FOXK1: variants seen among roughly 807,000 people sequenced by gnomAD.
FOXK1 encodes forkhead box protein K1.
In FOXK1, 19 loss-of-function variants were observed where a neutral mutation model predicts 51.9. The ratio of observed to expected loss-of-function variants is 0.37; its 90% CI spans 0.26 to 0.54. The LOEUF (loss-of-function observed/expected upper bound fraction) is 0.54. Ranked by LOEUF, FOXK1 falls within the 20% of genes least tolerant of loss-of-function variation. The probability of loss-of-function intolerance (pLI) is 0.87; values close to 1 mark genes in which losing one functional copy is unlikely to be tolerated. For synonymous variants in FOXK1, 537 were observed against 482.6 expected, an observed-to-expected ratio of 1.11 and a Z score of -1.48; for missense variants, 870 against 1,032.7, an observed-to-expected ratio of 0.84 and a Z score of 2.16.
chr7:4,761,392 C>T lies in FOXK1; in HGVS notation c.1921+104C>T. On this transcript the variant is annotated intron_variant, in intron 8 of 8. Coordinates refer to ENST00000328914, the MANE Select transcript of FOXK1 (RefSeq NM_001037165.2). This position sits in a 1 kb window ranked among gnomAD's most constrained non-coding sequence, Gnocchi z 6.2. ...TCCCAGTATCTCCCGATCCTCCACT[C>T]AGTTCAATTTATTGAGCACCTGCTA... The T allele has an allele frequency of 8.5e-7, 1 of 1,181,676 alleles. No homozygotes were observed. The highest frequency in any genetic ancestry group is 2.6e-5 in the East Asian group (1 of 39,052). The allele number at this position is 1,181,676 out of a possible 1,614,324, so 73.2% of individuals were successfully genotyped here.
At position 4,734,471 on chromosome 7, in the gene FOXK1, C is replaced by T. The variant is rs778609318; in HGVS notation, c.561-6367C>T. 3.0e-4 allele frequency among the ~76,000 whole-genome samples: 46 copies of T among 152,200 alleles called. No individual in the cohort carries two copies. Among genetic ancestry groups the T allele is most frequent in the Non-Finnish European group, 4.7e-4 (32 of 68,036 alleles). ...CCCCAGATCGTCTGCTTCCTCCTTG[C>T]CCCTCAAACTCCTTTGCCTCAGTCC... On this transcript the variant is annotated intron_variant, in intron 1 of 8. Coordinates refer to ENST00000328914, the MANE Select transcript of FOXK1 (RefSeq NM_001037165.2). The surrounding 1 kb of genome is among the most constrained non-coding windows in gnomAD (Gnocchi z 5.2).
In FOXK1 at chr7:4,764,344, T is replaced by A. The variant is rs1292300969; in HGVS notation, c.*1880T>A. The A allele has an allele frequency of 6.5e-6, 1 of 154,430 alleles. No homozygotes were observed. Among genetic ancestry groups the A allele is most frequent in the African/African-American group, 2.4e-5 (1 of 41,540 alleles). The allele number at this position is 154,430 out of a possible 1,614,324, so 9.6% of individuals were successfully genotyped here. On this transcript the variant is annotated 3_prime_UTR_variant, in exon 9 of 9. Coordinates refer to ENST00000328914, the MANE Select transcript of FOXK1 (RefSeq NM_001037165.2). ...TGAGTCGTTTCTATGGCACTAACCT[T>A]TCCATGGGAAATAAGCTCTTTGTGG...
chr7:4,719,598 C>T (rs1287993630), intron 1 of FOXK1, among the ~76,000 whole-genome samples: 1 of 152,156 alleles, frequency 6.6e-6, no homozygotes, highest in African/African-American at 2.4e-5. Flanking sequence ...TCTCCTGCCT[C>T]AGCTTCCTGA....
At position 4,703,411 on chromosome 7, in the gene FOXK1, A is replaced by T. The variant is rs944063789; in HGVS notation, c.560+20543A>T. On this transcript the variant is annotated intron_variant, in intron 1 of 8. Coordinates refer to ENST00000328914, the MANE Select transcript of FOXK1 (RefSeq NM_001037165.2). This position sits in a 1 kb window ranked among gnomAD's most constrained non-coding sequence, Gnocchi z 5.6. ...TCGCTGAAGTTCGTGGCCCCAAGAC[A>T]TGCGGAGAACCCGCGTCTGCAGGGC... 6.6e-6 allele frequency among the ~76,000 whole-genome samples: 1 copy of T among 152,170 alleles called. No individual in the cohort carries two copies. Among genetic ancestry groups the T allele is most frequent in the African/African-American group, 2.4e-5 (1 of 41,446 alleles).
Position 4,762,771 on chromosome 7 carries a change from G to A in FOXK1, c.*307G>A, listed in dbSNP as rs1314262602. On this transcript the variant is annotated 3_prime_UTR_variant, in exon 9 of 9. Coordinates refer to ENST00000328914, the MANE Select transcript of FOXK1 (RefSeq NM_001037165.2). This position sits in a 1 kb window ranked among gnomAD's most constrained non-coding sequence, Gnocchi z 5.7. ...CCCTGTCGGGCATGGGGAGGAGGTT[G>A]GAGCTCAGCATCTTGAGGAATGTGT... The A allele has an allele frequency of 5.3e-6, 2 of 378,134 alleles. No individual in the cohort carries two copies. The highest frequency in any genetic ancestry group is 2.1e-5 in the African/African-American group (1 of 48,410). The allele number at this position is 378,134 out of a possible 1,614,324, so 23.4% of individuals were successfully genotyped here.
Position 4,759,117 on chromosome 7 carries a change from A to G in FOXK1, c.1311A>G (p.Pro437=). ...MSPRSGGLQT[P]ECLSREGSPI... is the part of the protein sequence containing the mutation. Reference sequence around the variant, plus strand: ...CTCGCTCCGGCGGCCTGCAGACCCCAGAGTGCCTGTCTCGGGAGGGCTCCC... The same window carrying G: ...CTCGCTCCGGCGGCCTGCAGACCCCGGAGTGCCTGTCTCGGGAGGGCTCCC... The change falls in exon 6 of 9, where the codon CCA becomes CCG. Residue 437 remains proline, a synonymous_variant. Coordinates refer to ENST00000328914, the MANE Select transcript of FOXK1 (RefSeq NM_001037165.2). 1.9e-6 allele frequency: 3 copies of G among 1,612,030 alleles called. No individual in the cohort carries two copies. The highest frequency in any genetic ancestry group is 2.5e-6 in the Non-Finnish European group (3 of 1,179,874).
chr7:4,751,004 C>T (rs1340805941), intron 2 of FOXK1, among the ~76,000 whole-genome samples: 1 of 147,008 alleles, frequency 6.8e-6, no homozygotes, highest in Non-Finnish European at 1.5e-5. Context: ...CGTGCCTGGC[C>T]TTCAGCACTT....
At position 4,759,789 on chromosome 7, in the gene FOXK1, G is replaced by C. The variant is rs891239899; in HGVS notation, c.1696+194G>C. The C allele has an allele frequency of 2.8e-5, 20 of 709,068 alleles. No individual in the cohort carries two copies. In the East Asian group the frequency reaches 5.7e-4, roughly 20 times the overall value. The allele number at this position is 709,068 out of a possible 1,614,324, so 43.9% of individuals were successfully genotyped here. ...CTCATGCTTATAATCCCAGTGCTTT[G>C]GGAGGCCAAAGCGGGTGGATTACTT... On this transcript the variant is annotated intron_variant, in intron 7 of 8. Coordinates refer to ENST00000328914, the MANE Select transcript of FOXK1 (RefSeq NM_001037165.2).
Position 4,761,423 on chromosome 7 carries a change from C to T in FOXK1, c.1921+135C>T, listed in dbSNP as rs1188055602. ...AATTTATTGAGCACCTGCTATACTC[C>T]AGGCACTGGGGTAATGCAAAGAAAA... On this transcript the variant is annotated intron_variant, in intron 8 of 8. Transcript: ENST00000328914. This position sits in a 1 kb window ranked among gnomAD's most constrained non-coding sequence, Gnocchi z 6.2. 1.1e-6 allele frequency: 1 copy of T among 935,366 alleles called. No homozygotes were observed. The highest frequency in any genetic ancestry group is 1.6e-6 in the Non-Finnish European group (1 of 621,984). 57.9% of individuals were successfully genotyped at this position (935,366 alleles called of 1,614,324 possible).
chr7:4,742,877 T>A (rs897548036), intron 2 of FOXK1, among the ~76,000 whole-genome samples: 1 of 152,234 alleles, frequency 6.6e-6, no homozygotes, highest in Admixed American at 6.5e-5. Context: ...TTGAGTTGCT[T>A]GGAGTAGGTC....
At chr7:4,752,583 C>A (rs1357655306) in intron 2 of FOXK1, among the ~76,000 whole-genome samples, 1 of 152,230 alleles carries the variant, frequency 6.6e-6, no homozygotes, top group Non-Finnish European at 1.5e-5. Flanking sequence ...GATCCAGGAG[C>A]CCGCCTGCCA....
Position 4,762,327 on chromosome 7 carries a change from A to ACCGCCTCTGCCT in FOXK1, c.2074_2085dup (p.Ala692_Ser695dup). On this transcript the variant is annotated inframe_insertion, in exon 9 of 9. Coordinates refer to ENST00000328914, the MANE Select transcript of FOXK1 (RefSeq NM_001037165.2). This position sits in a 1 kb window ranked among gnomAD's most constrained non-coding sequence, Gnocchi z 5.7. ...CACCACCACCCCAGCCACTGCCACC[A>ACCGCCTCTGCCT]CCGCCTCTGCCTCCGCCTCTTCCAC... 1 of 1,550,170 alleles carries ACCGCCTCTGCCT rather than the reference A, an allele frequency of 6.5e-7. No homozygotes were observed. Among genetic ancestry groups the ACCGCCTCTGCCT allele is most frequent in the Non-Finnish European group, 8.7e-7 (1 of 1,146,794 alleles).
At chr7:4,751,630 C>T (rs1039837057) in intron 2 of FOXK1, among the ~76,000 whole-genome samples, 5 of 152,228 alleles carry the variant, frequency 3.3e-5, no homozygotes, top group African/African-American at 1.2e-4. Context: ...GCCCCGTGGC[C>T]GAGGCCCGCC....
rs1780687972 is a variant in FOXK1, at chr7:4,745,288, C to T, written c.746+4265C>T. On this transcript the variant is annotated intron_variant, in intron 2 of 8. Coordinates refer to ENST00000328914, the MANE Select transcript of FOXK1 (RefSeq NM_001037165.2). The surrounding 1 kb of genome is among the most constrained non-coding windows in gnomAD (Gnocchi z 4.3). ...TGGCTGGCTCGGTGTAGGCCGGGCT[C>T]GCCCAGGGCCCCTCATTCCCAGGAG... Among the ~76,000 whole-genome samples, 2 of 152,140 alleles carry T rather than the reference C, an allele frequency of 1.3e-5. No individual in the cohort carries two copies. The highest frequency in any genetic ancestry group is 1.3e-4 in the Admixed American group (2 of 15,276).
chr7:4,740,720 C>T lies in FOXK1; in HGVS notation c.561-118C>T. The T allele has an allele frequency of 4.9e-6, 5 of 1,020,074 alleles. No homozygotes were observed. In the South Asian group the frequency reaches 6.4e-5, roughly 13 times the overall value. 63.2% of individuals were successfully genotyped at this position (1,020,074 alleles called of 1,614,324 possible). On this transcript the variant is annotated intron_variant, in intron 1 of 8. Transcript: ENST00000328914. ...AAAGCATCGAAACTGCTCTCTGGGG[C>T]CCAGGTTTGAGAGTTACGGTCCAGT...
chr7:4,696,942 C>T (rs531487716), intron 1 of FOXK1, among the ~76,000 whole-genome samples: 1 of 152,186 alleles, frequency 6.6e-6, no homozygotes, highest in Non-Finnish European at 1.5e-5. Context: ...GTGGTGTGCT[C>T]CTGTAGTCCC....
intron 1 of FOXK1, among the ~76,000 whole-genome samples, chr7:4,726,895 C>T (rs1682928359): frequency 6.6e-6 from 1 of 152,178 alleles, no homozygotes; most frequent in Non-Finnish European, 1.5e-5. Context: ...GCTTAGCACA[C>T]AGTACCTGGT....
At chr7:4,689,157 T>C in intron 1 of FOXK1, among the ~76,000 whole-genome samples, 1 of 152,074 alleles carries the variant, frequency 6.6e-6, no homozygotes, top group East Asian at 1.9e-4. Flanking sequence ...TTTGTATTTT[T>C]AGTAGAGAGG....
chr7:4,730,195 G>A lies in FOXK1; in HGVS notation c.561-10643G>A, dbSNP rs893777046. On this transcript the variant is annotated intron_variant, in intron 1 of 8. Transcript: ENST00000328914. This position sits in a 1 kb window ranked among gnomAD's most constrained non-coding sequence, Gnocchi z 4.7. ...TTTAAACAAATTAGGCCCTATGAAC[G>A]CATAAGAACTTATAAACACTAAAAC... is the stretch of plus-strand genomic sequence containing the variant. Among the ~76,000 whole-genome samples, 3 of 151,796 alleles carry A rather than the reference G, an allele frequency of 2.0e-5. No homozygotes were observed. The highest frequency in any genetic ancestry group is 7.3e-5 in the African/African-American group (3 of 41,284).
Sources: gnomAD v4.1 joint callset for allele counts (sites outside exome capture counted in the v4.1 genomes callset) on GRCh38, gnomAD v4.1.1 for gene constraint, Gnocchi (gnomAD v3.1) non-coding constraint, MANE v1.5 for transcripts, NCBI Gene and HGNC (gene_info 2026-07-23, HGNC 2026-07-21) for gene names.